The following ARHGAP45 variants were observed in gnomAD, a reference collection of about 807,000 sequenced individuals.
The protein encoded by ARHGAP45 is Rho GTPase activating protein 45.
ARHGAP45 carries 56 observed loss-of-function variants against 116.1 expected under a neutral mutation model. That is an observed-to-expected ratio of 0.48 (90% CI 0.39 to 0.60). ARHGAP45 has a LOEUF of 0.60. Ranked by LOEUF, ARHGAP45 falls within the 20% of genes least tolerant of loss-of-function variation. The probability of loss-of-function intolerance (pLI) is 0.00; values close to 1 mark genes in which losing one functional copy is unlikely to be tolerated. For missense variants in ARHGAP45, 1,622 were observed against 1,601.0 expected (o/e 1.01, Z -0.22); for synonymous variants, 866 against 701.7 (o/e 1.23, Z -3.70).
Position 1,084,267 on chromosome 19 carries a change from A to T in ARHGAP45, c.2985A>T (p.Val995=). 6.2e-7 allele frequency: 1 copy of T among 1,613,404 alleles called. No homozygotes were observed. ...QDESSNQRAE[V]VVQVPYLEAG... is the part of the protein sequence containing the mutation. The stretch of plus-strand genomic sequence containing the variant: ...AGTCATCCAACCAGCGAGCTGAGGT[A>T]GTCGTCCAGGTGCCGTACCTGGAGG... Residue 995 remains valine, a synonymous_variant, in exon 22 of 23, where the codon GTA becomes GTT. Coordinates refer to ENST00000313093, the MANE Select transcript of ARHGAP45 (RefSeq NM_012292.5).
chr19:1,083,391 G>A (rs770813584), intron 21 of ARHGAP45, 38 bp downstream of exon 21: 2 of 1,506,856 alleles, frequency 1.3e-6, no homozygotes, highest in South Asian at 2.4e-5. Context: ...GCCACTCGGG[G>A]CTTGGGGAGC....
At chr19:1,066,126 A>G, upstream of ARHGAP45, 1 of 1,535,586 alleles carries the variant, frequency 6.5e-7, no homozygotes, top group Non-Finnish European at 8.7e-7. Flanking sequence ...TGTGGCCTTC[A>G]TGTCCTGTGC....
intron 9 of ARHGAP45, 27 bp from the exon 10 acceptor site, chr19:1,074,772 A>G: frequency 6.3e-7 from 1 of 1,598,972 alleles, no homozygotes; most frequent in South Asian, 1.1e-5. Context: ...TCACCGGGGT[A>G]CCCACTCACG....
chr19:1,067,594 G>T (rs965884319), intron 1 of ARHGAP45, 99 bp downstream of exon 1: 1 of 1,143,802 alleles, frequency 8.7e-7, no homozygotes, highest in East Asian at 2.6e-5. Flanking sequence ...GCGGCTGGGG[G>T]CTCGTGCCAG....
At chr19:1,084,191 G>GA (rs1212298787) in intron 21 of ARHGAP45, 47 bp from the exon 22 acceptor site, 1 of 1,550,142 alleles carries the variant, frequency 6.5e-7, no homozygotes, top group Non-Finnish European at 8.9e-7. Flanking sequence ...TTATAACATG[G>GA]AAAATGGAGC....
At chr19:1,077,044 G>C in intron 10 of ARHGAP45, 5 of 984,224 alleles carry the variant, frequency 5.1e-6, no homozygotes, top group Non-Finnish European at 6.0e-6. Flanking sequence ...CTAGTAATTG[G>C]ATGAGTCCGT....
At position 1,067,478 on chromosome 19, in the gene ARHGAP45, A is replaced by G. The variant is rs762919031; in HGVS notation, c.73A>G (p.Ser25Gly). Residue 25 changes from serine (S) to glycine (G), a missense_variant, in exon 1 of 23, where the codon AGC becomes GGC. This residue lies in a region of ARHGAP45 where 279 missense variants were observed against 311.9 expected (regional missense o/e 0.89). Transcript: ENST00000313093. The stretch of plus-strand genomic sequence containing the variant: ...GAAAAAGAACCGCGCGGGAAGCCCC[A>G]GCCCGCAGCCCTCGGGGGTGAGTGG... ...ISKKNRAGSP[S>G]PQPSGELPRK... is the part of the protein sequence containing the mutation. 7.4e-5 allele frequency: 119 copies of G among 1,602,858 alleles called. 1 individual carries two copies. Among genetic ancestry groups the G allele is most frequent in the Admixed American group, 3.4e-5 (2 of 58,646 alleles).
rs552552440 is a variant in ARHGAP45, at chr19:1,073,649, G to A, written c.651-25G>A. The A allele has an allele frequency of 1.7e-4, 272 of 1,610,288 alleles. 3 individuals are homozygous for A. The South Asian group carries it at 2.4e-3, about 14-fold the overall frequency. On this transcript the variant is annotated intron_variant, in intron 4 of 22. Coordinates refer to ENST00000313093, the MANE Select transcript of ARHGAP45 (RefSeq NM_012292.5). The stretch of plus-strand genomic sequence containing the variant: ...AGCGTGGGGGGCCCGGGTGTCTCTC[G>A]ATGGTGACCTCGCTGGCCCTGCAGA...
chr19:1,067,724 G>A (rs1485385550), intron 1 of ARHGAP45: 3 of 688,622 alleles, frequency 4.4e-6, no homozygotes, highest in South Asian at 3.0e-5. Flanking sequence ...ATCCAGGGCT[G>A]GCCGCGGGGC....
chr19:1,072,194 C>T (rs1249598004), intron 2 of ARHGAP45, among the ~76,000 whole-genome samples: 1 of 151,588 alleles, frequency 6.6e-6, no homozygotes, highest in East Asian at 1.9e-4. Context: ...CCCGAGTAGC[C>T]GGCATTACAG....
Position 1,073,974 on chromosome 19 carries a change from C to T in ARHGAP45, c.750C>T (p.Gly250=). The T allele has an allele frequency of 3.1e-6, 5 of 1,587,864 alleles. No homozygotes were observed. The highest frequency in any genetic ancestry group is 1.8e-5 in the Admixed American group (1 of 56,376). ...SQSMESLYGP[G]SEGTPPSLED... ...CCATGGAAAGCCTGTATGGACCGGG[C>T]AGTGAGGGCACGCCTCCCAGCCTGG... The change falls in exon 6 of 23, where the codon GGC becomes GGT. Residue 250 remains glycine (G), a synonymous_variant. Coordinates refer to ENST00000313093, the MANE Select transcript of ARHGAP45 (RefSeq NM_012292.5).
At position 1,080,325 on chromosome 19, in the gene ARHGAP45, A is replaced by G; in HGVS notation, c.1774A>G (p.Ser592Gly). 6.2e-7 allele frequency: 1 copy of G among 1,610,654 alleles called. No homozygotes were observed. The highest frequency in any genetic ancestry group is 1.1e-5 in the South Asian group (1 of 90,988). ...TGTGGCGCGGCCGGAGGCTGCCGGG[A>G]GCCCCCCAGAAGAAGGCGGGTGCAC... is the stretch of plus-strand genomic sequence containing the variant. The part of the protein sequence containing the change: ...SDVARPEAAG[S>G]PPEEGGCTEG... Residue 592 changes from serine (S) to glycine (G), a missense_variant, in exon 14 of 23, where the codon AGC (serine) becomes GGC (glycine). By Grantham distance (56) the Ser-to-Gly change is moderately conservative. Around this residue, in one of 3 missense-constraint regions of ARHGAP45, gnomAD observed 1,334 missense variants for 1,263.8 expected, o/e 1.06. Coordinates refer to ENST00000313093, the MANE Select transcript of ARHGAP45 (RefSeq NM_012292.5).
Position 1,080,372 on chromosome 19 carries a change from C to T in ARHGAP45, c.1821C>T (p.Asp607=), listed in dbSNP as rs1487319617. 1 of 1,608,036 alleles carries T rather than the reference C, an allele frequency of 6.2e-7. No individual in the cohort carries two copies. The highest frequency in any genetic ancestry group is 1.3e-5 in the African/African-American group (1 of 74,862). ...GCACTGAGGGCACACCTGCCAAGGA[C>T]CACAGGGGTGAGTGTCCGGCGGGGC... ...GGCTEGTPAK[D]HRAGRGHQVH... The change falls in exon 14 of 23, where the codon GAC becomes GAT. Residue 607 remains aspartate, a synonymous_variant. Transcript: ENST00000313093.
intron 1 of ARHGAP45, among the ~76,000 whole-genome samples, chr19:1,067,895 T>C (rs573054802): frequency 7.6e-6 from 1 of 131,960 alleles, no homozygotes; most frequent in African/African-American, 2.9e-5. Flanking sequence ...GATCCTCTAA[T>C]GGGATCCACC....
rs772725650 is a variant in ARHGAP45, at chr19:1,074,782, G to A, written c.1105-17G>A. The A allele has an allele frequency of 2.5e-5, 40 of 1,600,358 alleles. No individual in the cohort carries two copies. Among genetic ancestry groups the A allele is most frequent in the Non-Finnish European group, 3.1e-5 (37 of 1,175,630 alleles). ...GGGTGTCACCGGGGTACCCACTCACGGCCCGTCTCGCCCCAGCCCCTGACC... is the reference window on the plus strand; with the variant it reads ...GGGTGTCACCGGGGTACCCACTCACAGCCCGTCTCGCCCCAGCCCCTGACC... On this transcript the variant is annotated splice_polypyrimidine_tract_variant and intron_variant, in intron 9 of 22. Coordinates refer to ENST00000313093, the MANE Select transcript of ARHGAP45 (RefSeq NM_012292.5).
At position 1,069,414 on chromosome 19, in the gene ARHGAP45, A is replaced by G. The variant is rs1157591124; in HGVS notation, c.421+670A>G. 6.6e-6 allele frequency among the ~76,000 whole-genome samples: 1 copy of G among 152,202 alleles called. No homozygotes were observed. Among genetic ancestry groups the G allele is most frequent in the Non-Finnish European group, 1.5e-5 (1 of 68,028 alleles). On this transcript the variant is annotated intron_variant, in intron 2 of 22. Coordinates refer to ENST00000313093, the MANE Select transcript of ARHGAP45 (RefSeq NM_012292.5). The surrounding 1 kb of genome is among the most constrained non-coding windows in gnomAD (Gnocchi z 4.1). Reference sequence around the variant, plus strand: ...GGCGGGCACCTCATGTGCTGCCTTCAGCCCCCGGCTCCTCCCAGAAACCAC... The same window carrying G: ...GGCGGGCACCTCATGTGCTGCCTTCGGCCCCCGGCTCCTCCCAGAAACCAC...
At chr19:1,080,865 G>A (rs1340076631) in intron 16 of ARHGAP45, 27 bp from the exon 17 acceptor site, 4 of 1,605,286 alleles carry the variant, frequency 2.5e-6, no homozygotes, top group Non-Finnish European at 3.4e-6. Context: ...CTGCCTTGGT[G>A]ACACCGGCTG....
Position 1,079,930 on chromosome 19 carries a change from C to T in ARHGAP45, c.1515C>T (p.Ala505=), listed in dbSNP as rs1202438348. 10 of 1,605,814 alleles carry T rather than the reference C, an allele frequency of 6.2e-6. No individual in the cohort carries two copies. The highest frequency in any genetic ancestry group is 8.5e-6 in the Non-Finnish European group (10 of 1,174,246). ...CCGCTCTCCGGTGCCGCCCGCAGGC[C>T]ACGATCTCCTACTACCAGATGATGC... ...IRQSDQTIKS[A]TISYYQMMHM... is the part of the protein sequence containing the mutation. Residue 505 remains alanine (A), a splice_region_variant and synonymous_variant, in exon 13 of 23, where the codon GCC becomes GCT. Coordinates refer to ENST00000313093, the MANE Select transcript of ARHGAP45 (RefSeq NM_012292.5).
chr19:1,068,626 C>G lies in ARHGAP45; in HGVS notation c.303C>G (p.Gly101=), dbSNP rs1435395008. 4 of 1,611,768 alleles carry G rather than the reference C, an allele frequency of 2.5e-6. No homozygotes were observed. The highest frequency in any genetic ancestry group is 2.2e-5 in the South Asian group (2 of 91,018). Residue 101 remains glycine (G), a synonymous_variant, in exon 2 of 23, where the codon GGC becomes GGG. Coordinates refer to ENST00000313093, the MANE Select transcript of ARHGAP45 (RefSeq NM_012292.5). The surrounding 1 kb of genome is among the most constrained non-coding windows in gnomAD (Gnocchi z 7.5). ...GCCCACTGACAGCCGCCAGCCCGGGCGAGCTGCCCACCGAGGGTGCCGGCC... is the reference window on the plus strand; with the variant it reads ...GCCCACTGACAGCCGCCAGCCCGGGGGAGCTGCCCACCGAGGGTGCCGGCC... ...HRSPLTAASP[G]ELPTEGAGPD...
Sources: gnomAD v4.1 joint callset for allele counts (sites outside exome capture counted in the v4.1 genomes callset) on GRCh38, gnomAD v4.1.1 for gene constraint, gnomAD v4.1.1 regional missense constraint, Gnocchi (gnomAD v3.1) non-coding constraint, MANE v1.5 for transcripts, NCBI Gene and HGNC (gene_info 2026-07-23, HGNC 2026-07-21) for gene names.